Variants in LARGE1 observed in about 807,000 individuals in gnomAD.
LARGE1 encodes the protein xylosyl- and glucuronyltransferase LARGE1.
Under a neutral mutation model 87.6 loss-of-function variants are expected in LARGE1, and 43 were observed. The ratio of observed to expected loss-of-function variants is 0.49; its 90% CI spans 0.38 to 0.63. The LOEUF (loss-of-function observed/expected upper bound fraction) is 0.63. Ranked by LOEUF, LARGE1 falls within the 30% of genes least tolerant of loss-of-function variation. The probability of loss-of-function intolerance (pLI) is 0.00; values close to 1 mark genes in which losing one functional copy is unlikely to be tolerated. For missense variants in LARGE1, 802 were observed against 1,000.2 expected, an observed-to-expected ratio of 0.80 and a Z score of 2.67; for synonymous variants, 434 against 394.6, an observed-to-expected ratio of 1.10 and a Z score of -1.18.
At chr22:33,740,811 A>C in intron 2 of LARGE1, among the ~76,000 whole-genome samples, 1 of 152,088 alleles carries the variant, frequency 6.6e-6, no homozygotes, top group East Asian at 1.9e-4. Context: ...AAAAGCAAAA[A>C]CAGTTCATGC....
intron 6 of LARGE1, among the ~76,000 whole-genome samples, chr22:33,532,793 T>C (rs1311711991): frequency 6.6e-6 from 1 of 152,174 alleles, no homozygotes; most frequent in African/African-American, 2.4e-5. Flanking sequence ...ACCAAGAATG[T>C]GTTCATTCCT....
chr22:33,488,470 T>C (rs5998966), intron 6 of LARGE1, among the ~76,000 whole-genome samples: 8,376 of 152,268 alleles, frequency 0.055, 640 homozygotes, highest in African/African-American at 0.17. Flanking sequence ...TTTTTCATGG[T>C]TAACAGAGTG....
chr22:33,094,397 C>T, the LARGE1 span, among the ~76,000 whole-genome samples: 1 of 152,166 alleles, frequency 6.6e-6, no homozygotes, highest in South Asian at 2.1e-4. Context: ...CTCAACAGCT[C>T]CCCTGGCAAT....
At chr22:33,833,905 T>C (rs770286993) in intron 1 of LARGE1, among the ~76,000 whole-genome samples, 3 of 152,152 alleles carry the variant, frequency 2.0e-5, no homozygotes, top group Non-Finnish European at 4.4e-5. Flanking sequence ...CCGGCTGGTC[T>C]CGAACTCCTG....
the LARGE1 span, among the ~76,000 whole-genome samples, chr22:33,152,040 C>G: frequency 6.6e-6 from 1 of 152,024 alleles, no homozygotes; most frequent in Non-Finnish European, 1.5e-5. Context: ...ATAAAAGTTG[C>G]CAGTGCAATC....
intron 1 of LARGE1, among the ~76,000 whole-genome samples, chr22:33,859,099 T>C (rs971578620): frequency 1.3e-5 from 2 of 152,048 alleles, no homozygotes; most frequent in East Asian, 3.9e-4. Context: ...AGATGACGGG[T>C]TGATGGGTGC....
At chr22:33,892,874 C>T (rs997998715) in intron 1 of LARGE1, among the ~76,000 whole-genome samples, 3 of 152,356 alleles carry the variant, frequency 2.0e-5, no homozygotes, top group African/African-American at 4.8e-5. Flanking sequence ...CCCATTCACA[C>T]ACAAGAGCCC....
the LARGE1 span, among the ~76,000 whole-genome samples, chr22:33,092,065 A>G: frequency 1.3e-5 from 2 of 151,808 alleles, no homozygotes; most frequent in Non-Finnish European, 2.9e-5. Flanking sequence ...ACACCCAGCT[A>G]ATTTTTGTAT....
chr22:33,160,606 G>A (rs538564675), downstream of LARGE1, among the ~76,000 whole-genome samples: 3 of 152,344 alleles, frequency 2.0e-5, no homozygotes, highest in East Asian at 5.8e-4. Context: ...CAGATGCTCT[G>A]TGTTGTCATG....
chr22:33,873,511 T>A (rs561930495), intron 1 of LARGE1: 1 of 151,990 alleles, frequency 6.6e-6, no homozygotes, highest in African/African-American at 2.4e-5. Context: ...ACAGGACGAG[T>A]GGAAGCATGG....
chr22:33,569,418 G>C (rs987838371), intron 5 of LARGE1, among the ~76,000 whole-genome samples: 2 of 152,174 alleles, frequency 1.3e-5, no homozygotes, highest in African/African-American at 4.8e-5. Context: ...GCCCAGTCCT[G>C]AATGTCACTC....
At chr22:33,413,875 T>C (rs1195665401) in intron 7 of LARGE1, among the ~76,000 whole-genome samples, 1 of 152,206 alleles carries the variant, frequency 6.6e-6, no homozygotes, top group Non-Finnish European at 1.5e-5. Context: ...CAAGATTTCC[T>C]TCTTTTTAAG....
chr22:33,362,171 C>T (rs186514402), intron 9 of LARGE1, among the ~76,000 whole-genome samples: 3 of 148,790 alleles, frequency 2.0e-5, no homozygotes, highest in African/African-American at 7.4e-5. Context: ...TAAGACTCAG[C>T]CAGGGAAGGC....
intron 7 of LARGE1, among the ~76,000 whole-genome samples, chr22:33,407,982 T>C (rs986582118): frequency 9.6e-5 from 9 of 93,420 alleles, no homozygotes; most frequent in Non-Finnish European, 2.1e-4. Flanking sequence ...GAAGATAAAC[T>C]TTTTTTTTTT....
rs370572541 is a variant in LARGE1 at position 33,597,880 on chromosome 22, C to T, written c.615+6555G>A. 5.3e-5 allele frequency among the ~76,000 whole-genome samples: 8 copies of T among 152,248 alleles called. No individual in the cohort carries two copies. The South Asian group carries it at 1.5e-3, about 28-fold the overall frequency. The stretch of plus-strand genomic sequence containing the variant: ...CAAGAAATGTTTTCCTGATTTAAAG[C>T]CAACTGTCTAGAGTGATGACTGTTA... On this transcript the variant is annotated intron_variant, in intron 5 of 14. Coordinates refer to ENST00000397394, the MANE Select transcript of LARGE1 (RefSeq NM_133642.5).
chr22:33,431,900 T>C (rs940533006), intron 7 of LARGE1, among the ~76,000 whole-genome samples: 1 of 152,140 alleles, frequency 6.6e-6, no homozygotes, highest in Admixed American at 6.5e-5. Context: ...GATAAAGATA[T>C]CCAATAGGAT....
the LARGE1 span, among the ~76,000 whole-genome samples, chr22:33,130,996 T>G: frequency 1.4e-3 from 180 of 125,800 alleles, 1 homozygote; most frequent in African/African-American, 4.9e-3. Context: ...CTCGCGCCAA[T>G]GCACTCCAGC....
chr22:33,246,698 A>G (rs1926776112), intron 11 of LARGE1, among the ~76,000 whole-genome samples: 1 of 152,190 alleles, frequency 6.6e-6, no homozygotes, highest in African/African-American at 2.4e-5. Context: ...ATTAAGCATG[A>G]ATTTCCAGCA....
intron 1 of LARGE1, among the ~76,000 whole-genome samples, chr22:33,778,206 AG>A (rs1397981075): frequency 6.6e-6 from 1 of 152,208 alleles, no homozygotes; most frequent in African/African-American, 2.4e-5. Context: ...CTTGATTCCA[AG>A]AACCTTGAAC....
Sources: allele counts gnomAD v4.1 joint callset (sites outside exome capture counted in the v4.1 genomes callset), GRCh38; gene constraint gnomAD v4.1.1; transcripts MANE v1.5; gene names NCBI Gene and HGNC (gene_info 2026-07-23, HGNC 2026-07-21).